The following SUMF1 variants were observed in gnomAD, a reference collection of about 807,000 sequenced individuals.
The protein encoded by SUMF1 is formylglycine-generating enzyme.
Under a neutral mutation model 47.6 loss-of-function variants are expected in SUMF1, and 48 were observed. The ratio of observed to expected loss-of-function variants is 1.01; its 90% confidence interval spans 0.80 to 1.28. SUMF1 has a LOEUF of 1.28. Among genes scored for constraint, SUMF1 ranks in the 50% most tolerant of loss-of-function variants. The probability of loss-of-function intolerance (pLI) is 0.00; values close to 1 mark genes in which losing one functional copy is unlikely to be tolerated. For synonymous variants in SUMF1, 230 were observed against 192.1 expected, an observed-to-expected ratio of 1.20 and a Z score of -1.63; for missense variants, 571 against 485.4, an observed-to-expected ratio of 1.18 and a Z score of -1.66.
At chr3:4,211,218 ATATATATATC>A (rs1695786084) in intron 8 of SUMF1, among the ~76,000 whole-genome samples, 3 of 137,902 alleles carry the variant, frequency 2.2e-5, no homozygotes, top group African/African-American at 8.1e-5. Context: ...ATATATATAT[ATATATATATC>A]CTATTAGTTC....
intron 8 of SUMF1, among the ~76,000 whole-genome samples, chr3:4,133,494 T>C (rs1180875151): frequency 1.3e-5 from 2 of 152,214 alleles, no homozygotes; most frequent in Non-Finnish European, 2.9e-5. Context: ...TGTGAGGGTG[T>C]TGCTGAAGGA....
chr3:4,059,768 T>C lies in SUMF1; in HGVS notation c.1191+8801A>G, dbSNP rs1333846955. 4.0e-5 allele frequency among the ~76,000 whole-genome samples: 6 copies of C among 149,318 alleles called. No homozygotes were observed. The South Asian group carries it at 8.5e-4, about 21-fold the overall frequency. On this transcript the variant is annotated intron_variant and NMD_transcript_variant, in intron 9 of 12. Transcript: ENST00000448413. Reference sequence around the variant, plus strand: ...AATGTACAACAAAAACTGTGATCCATGTTAGGAATTTAAAAGGTGTCCCTG... The same window carrying C: ...AATGTACAACAAAAACTGTGATCCACGTTAGGAATTTAAAAGGTGTCCCTG...
At position 4,345,239 on chromosome 3, in the gene SUMF1, C is replaced by T. The variant is rs1466737057; in HGVS notation, c.1014+31091G>A. Reference sequence around the variant, plus strand: ...ACCCAAGACACATAATCGTCAGATTCTCCAAGGTCGAAATGAAGGAAAAAA... The same window carrying T: ...ACCCAAGACACATAATCGTCAGATTTTCCAAGGTCGAAATGAAGGAAAAAA... On this transcript the variant is annotated intron_variant and NMD_transcript_variant, in intron 8 of 12. Transcript: ENST00000448413. 3.9e-5 allele frequency among the ~76,000 whole-genome samples: 6 copies of T among 152,312 alleles called. No individual in the cohort carries two copies. The South Asian group carries it at 1.2e-3, about 32-fold the overall frequency.
intron 8 of SUMF1, among the ~76,000 whole-genome samples, chr3:4,109,647 C>A (rs999878791): frequency 6.6e-6 from 1 of 152,034 alleles, no homozygotes; most frequent in Non-Finnish European, 1.5e-5. Context: ...TTTCTCTAAA[C>A]TTCCCTTCTC....
At chr3:4,134,200 T>C (rs996220198) in intron 8 of SUMF1, among the ~76,000 whole-genome samples, 2 of 152,080 alleles carry the variant, frequency 1.3e-5, no homozygotes, top group East Asian at 1.9e-4. Flanking sequence ...TATTCCAAAA[T>C]TGACCACATA....
intron 8 of SUMF1, among the ~76,000 whole-genome samples, chr3:4,225,584 C>A (rs1045983955): frequency 6.6e-5 from 10 of 152,136 alleles, no homozygotes; most frequent in African/African-American, 2.4e-4. Context: ...TGCAGACAAA[C>A]AGCACTGGTG....
chr3:4,227,828 C>T (rs897865623), intron 8 of SUMF1, among the ~76,000 whole-genome samples: 12 of 152,128 alleles, frequency 7.9e-5, no homozygotes, highest in Admixed American at 7.9e-4. Flanking sequence ...TCCCTGGGCT[C>T]CCTGTTTCAG....
intron 8 of SUMF1, among the ~76,000 whole-genome samples, chr3:4,353,501 C>G (rs553308840): frequency 6.6e-6 from 1 of 152,290 alleles, no homozygotes; most frequent in South Asian, 2.1e-4. Context: ...ATCCGCCCAC[C>G]TCGGCCTCCC....
At chr3:4,235,829 G>A (rs1294144439) in intron 8 of SUMF1, among the ~76,000 whole-genome samples, 2 of 151,932 alleles carry the variant, frequency 1.3e-5, no homozygotes, top group African/African-American at 2.4e-5. Flanking sequence ...TTCATTCAAC[G>A]CTGCCCTGAA....
intron 8 of SUMF1, among the ~76,000 whole-genome samples, chr3:4,189,739 G>A (rs1370766050): frequency 6.6e-6 from 1 of 151,824 alleles, no homozygotes; most frequent in African/African-American, 2.4e-5. Context: ...ATCTCACCTG[G>A]GCTGGCACCA....
In SUMF1 at chr3:4,181,829, G is replaced by A. The variant is rs185224622; in HGVS notation, c.1015-113084C>T. Among the ~76,000 whole-genome samples the A allele has an allele frequency of 1.6e-3, 244 of 152,210 alleles. 2 individuals are homozygous for A. The highest frequency in any genetic ancestry group is 0.013 in the Admixed American group (194 of 15,284). ...GCTGACGTATGTATCACATGCATGTGTGTGTGAGGGCCTCATATAGCACTA... is the reference window on the plus strand; with the variant it reads ...GCTGACGTATGTATCACATGCATGTATGTGTGAGGGCCTCATATAGCACTA... On this transcript the variant is annotated intron_variant and NMD_transcript_variant, in intron 8 of 12. Transcript: ENST00000448413.
At chr3:4,130,501 A>G (rs1402991470) in intron 8 of SUMF1, among the ~76,000 whole-genome samples, 1 of 152,152 alleles carries the variant, frequency 6.6e-6, no homozygotes, top group Non-Finnish European at 1.5e-5. Context: ...TACACTGATG[A>G]CATTATGCTG....
rs561164364 is a variant in SUMF1 at position 4,391,842 on chromosome 3, T to C, written c.955-15453A>G. Among the ~76,000 whole-genome samples the C allele has an allele frequency of 2.8e-3, 421 of 151,638 alleles. 3 individuals carry two copies. Among genetic ancestry groups the C allele is most frequent in the African/African-American group, 9.3e-3 (386 of 41,362 alleles). On this transcript the variant is annotated intron_variant, in intron 7 of 8. Coordinates refer to ENST00000272902, the MANE Select transcript of SUMF1 (RefSeq NM_182760.4). The stretch of plus-strand genomic sequence containing the variant: ...TTTTCTTTTCTTTTCTTTTTTTTTT[T>C]TTTGAGATAGAGTCTTGCTCTGTCA...
chr3:4,143,695 T>A (rs2587916), intron 8 of SUMF1, among the ~76,000 whole-genome samples: 1 of 151,988 alleles, frequency 6.6e-6, no homozygotes, highest in South Asian at 2.1e-4. Context: ...CATTCTTATA[T>A]AAAACTAGGC....
intron 8 of SUMF1, among the ~76,000 whole-genome samples, chr3:4,222,472 G>C (rs192598486): frequency 6.6e-6 from 1 of 151,918 alleles, no homozygotes. Flanking sequence ...CAATAAATAC[G>C]GGTGTCTCCA....
At chr3:4,131,524 G>T (rs1011997974) in intron 8 of SUMF1, among the ~76,000 whole-genome samples, 1 of 152,158 alleles carries the variant, frequency 6.6e-6, no homozygotes, top group East Asian at 1.9e-4. Context: ...TCTTCCCAGT[G>T]GGCAGTACTT....
chr3:4,253,374 C>T (rs995237034), intron 8 of SUMF1, among the ~76,000 whole-genome samples: 7 of 152,320 alleles, frequency 4.6e-5, no homozygotes, highest in Middle Eastern at 3.4e-3. Context: ...CTAGGGAGTG[C>T]CAGACAGTGG....
At chr3:4,264,872 G>A (rs1317369560) in intron 8 of SUMF1, among the ~76,000 whole-genome samples, 5 of 152,114 alleles carry the variant, frequency 3.3e-5, no homozygotes, top group Non-Finnish European at 5.9e-5. Context: ...AGTGGCTCAC[G>A]CCTGTAATCC....
chr3:4,040,958 T>C (rs542396062), intron 9 of SUMF1, among the ~76,000 whole-genome samples: 1 of 152,194 alleles, frequency 6.6e-6, no homozygotes, highest in Non-Finnish European at 1.5e-5. Flanking sequence ...TTTATTCAGT[T>C]TTCAGGAGTA....
Sources: gnomAD v4.1 joint callset for allele counts (sites outside exome capture counted in the v4.1 genomes callset) on GRCh38, gnomAD v4.1.1 for gene constraint, MANE v1.5 for transcripts, NCBI Gene and HGNC (gene_info 2026-07-23, HGNC 2026-07-21) for gene names.